Variants in SCN9A observed in about 807,000 individuals in gnomAD.
The protein encoded by SCN9A is sodium voltage-gated channel alpha subunit 9, also known as sodium channel protein type 9 subunit alpha.
A neutral mutation model predicts 187.0 loss-of-function variants in SCN9A; 131 were observed. The ratio of observed to expected loss-of-function variants is 0.70; its 90% CI spans 0.61 to 0.81. The LOEUF is 0.81. SCN9A is among the 30% of genes least tolerant of loss of function. The probability of loss-of-function intolerance (pLI) is 0.00; values close to 1 mark genes in which losing one functional copy is unlikely to be tolerated. For missense variants in SCN9A, 2,252 were observed against 2,396.6 expected, an observed-to-expected ratio of 0.94 and a Z score of 1.26; for synonymous variants, 809 against 808.6, an observed-to-expected ratio of 1.00 and a Z score of -0.01.
chr2:166,284,505 T>C lies in SCN9A; in HGVS notation c.1922A>G (p.Asn641Ser), dbSNP rs375858685. 101 of 1,613,954 alleles carry C rather than the reference T, an allele frequency of 6.3e-5. No homozygotes were observed. The highest frequency in any genetic ancestry group is 8.1e-5 in the Non-Finnish European group (96 of 1,179,986). Residue 641 changes from asparagine (N) to serine (S), a missense_variant, in exon 12 of 27, where the codon AAT (asparagine) becomes AGT (serine). Physicochemically the swap from Asn to Ser is conservative, Grantham distance 46. Transcript: ENST00000642356. ...TATCACCTCTGGCAGAAGCTGTCCATTGGGGAGCATGAGGGCTGAGCGTCC... is the reference window on the plus strand; with the variant it reads ...TATCACCTCTGGCAGAAGCTGTCCACTGGGGAGCATGAGGGCTGAGCGTCC... ...VDGRSALMLPNGQLLPEVIID... is the reference protein window; with the variant it reads ...VDGRSALMLPSGQLLPEVIID...
At chr2:166,345,300 G>A (rs1381301448) in intron 1 of SCN9A, among the ~76,000 whole-genome samples, 3 of 81,726 alleles carry the variant, frequency 3.7e-5, no homozygotes, top group Non-Finnish European at 7.4e-5. Flanking sequence ...ATTGTGGTGT[G>A]CATAACTTAG....
At chr2:166,349,542 T>C (rs889790713) in intron 1 of SCN9A, among the ~76,000 whole-genome samples, 3 of 152,188 alleles carry the variant, frequency 2.0e-5, no homozygotes, top group Non-Finnish European at 2.9e-5. Flanking sequence ...ATTTCAATGG[T>C]CAGAGAAAAT....
chr2:166,341,459 C>T (rs1306560571), intron 1 of SCN9A, among the ~76,000 whole-genome samples: 1 of 152,126 alleles, frequency 6.6e-6, no homozygotes, highest in Non-Finnish European at 1.5e-5. Flanking sequence ...CACTTTATAC[C>T]GTCTAAGAAA....
At chr2:166,244,364 T>C (rs900885036) in intron 18 of SCN9A, among the ~76,000 whole-genome samples, 3 of 152,054 alleles carry the variant, frequency 2.0e-5, no homozygotes, top group African/African-American at 7.2e-5. Flanking sequence ...AATGGTGTGC[T>C]GAAAGCAGAC....
intron 1 of SCN9A, 32 bp from the exon 2 acceptor site, chr2:166,311,838 T>C: frequency 1.0e-5 from 14 of 1,366,130 alleles, no homozygotes; most frequent in Non-Finnish European, 8.8e-6. Flanking sequence ...AAGACTTAAC[T>C]ATTTGCCTGC....
rs573550349 is a variant in SCN9A at position 166,195,931 on chromosome 2, T to C, written c.*2741A>G. The C allele has an allele frequency of 2.6e-5, 4 of 152,238 alleles. No homozygotes were observed. Among genetic ancestry groups the C allele is most frequent in the Non-Finnish European group, 5.9e-5 (4 of 68,094 alleles). The allele number at this position is 152,238 out of a possible 1,614,324, so 9.4% of individuals were successfully genotyped here. A position where few individuals can be genotyped will look rare whatever the true frequency, so the allele number is the denominator to read the frequency against. ...GGCATGGTGGCATGTACCTGTAGTCTTAGCTACTTGGGAGGCTGAGGCAGG... is the reference window on the plus strand; with the variant it reads ...GGCATGGTGGCATGTACCTGTAGTCCTAGCTACTTGGGAGGCTGAGGCAGG... On this transcript the variant is annotated 3_prime_UTR_variant, in exon 27 of 27. Coordinates refer to ENST00000642356, the MANE Select transcript of SCN9A (RefSeq NM_001365536.1).
rs760333909 is a variant in SCN9A at position 166,311,559 on chromosome 2, A to G, written c.198T>C (p.Ile66=). The G allele has an allele frequency of 1.9e-6, 3 of 1,612,786 alleles. No homozygotes were observed. The highest frequency in any genetic ancestry group is 1.7e-6 in the Non-Finnish European group (2 of 1,179,502). The part of the protein sequence containing the change: ...GKQLPFIYGD[I]PPGMVSEPLE... The stretch of plus-strand genomic sequence containing the variant: ...GGGGCTCTGACACCATGCCGGGAGG[A>G]ATGTCCCCATAGATGAAGGGCAGCT... Residue 66 remains isoleucine (I), a synonymous_variant, in exon 2 of 27, where the codon ATT becomes ATC. Transcript: ENST00000642356.
Position 166,271,537 on chromosome 2 carries a change from G to A in SCN9A, c.3351+862C>T, listed in dbSNP as rs80132827. ...AAGCTGGTTAGGGCCATAGTGTGAA[G>A]GCTTTGTGCACAGTACATAATTCGA... On this transcript the variant is annotated intron_variant, in intron 17 of 26. Transcript: ENST00000642356. Among the ~76,000 whole-genome samples, 964 of 152,126 alleles carry A rather than the reference G, an allele frequency of 6.3e-3. 11 individuals are homozygous for A. Among genetic ancestry groups the A allele is most frequent in the African/African-American group, 0.022 (931 of 41,512 alleles).
chr2:166,240,902 A>G lies in SCN9A; in HGVS notation c.3627+1600T>C, dbSNP rs8191990. Among the ~76,000 whole-genome samples the G allele has an allele frequency of 1.5e-3, 228 of 152,254 alleles. 9 individuals are homozygous for G. The East Asian group carries it at 0.034, about 22-fold the overall frequency. On this transcript the variant is annotated intron_variant, in intron 19 of 26. Coordinates refer to ENST00000642356, the MANE Select transcript of SCN9A (RefSeq NM_001365536.1). ...CTTGGTATAAAAGGATGCATTCCCT[A>G]AGCTCAGTGTTCCTCAGCTGTGACA...
chr2:166,233,777 T>A (rs564686810), intron 20 of SCN9A, among the ~76,000 whole-genome samples: 431 of 152,290 alleles, frequency 2.8e-3, no homozygotes, highest in Non-Finnish European at 4.8e-3. Flanking sequence ...AATCTAAAAA[T>A]TTAATTAGAA....
At chr2:166,222,960 A>AAC (rs1694679314) in intron 24 of SCN9A, among the ~76,000 whole-genome samples, 1 of 146,692 alleles carries the variant, frequency 6.8e-6, no homozygotes. Flanking sequence ...AAAAAAAAAA[A>AAC]AAAAAAAAAA....
intron 18 of SCN9A, among the ~76,000 whole-genome samples, chr2:166,244,390 T>G (rs1695698843): frequency 6.6e-6 from 1 of 152,070 alleles, no homozygotes; most frequent in South Asian, 2.1e-4. Flanking sequence ...CAATTCTTGT[T>G]GTTAAACTGT....
At chr2:166,315,092 T>A (rs1036475076) in intron 1 of SCN9A, among the ~76,000 whole-genome samples, 1 of 152,150 alleles carries the variant, frequency 6.6e-6, no homozygotes, top group South Asian at 2.1e-4. Flanking sequence ...ATGAATCAAA[T>A]CAAAGCAGTT....
intron 1 of SCN9A, among the ~76,000 whole-genome samples, chr2:166,340,567 T>C (rs1275190353): frequency 1.2e-5 from 1 of 80,668 alleles, no homozygotes; most frequent in East Asian, 2.6e-4. Context: ...TCTTTCTTTC[T>C]TTCTTTCTTT....
chr2:166,356,051 G>A (rs1468285376), intron 1 of SCN9A, among the ~76,000 whole-genome samples: 2 of 152,122 alleles, frequency 1.3e-5, no homozygotes, highest in African/African-American at 2.4e-5. Flanking sequence ...GATTACAGGC[G>A]TGAGCCACTG....
chr2:166,274,383 C>T (rs60899792), intron 16 of SCN9A, among the ~76,000 whole-genome samples: 20,787 of 151,998 alleles, frequency 0.14, 1,653 homozygotes, highest in East Asian at 0.36. Flanking sequence ...TAATGGTCTT[C>T]GCAAGTTTCC....
chr2:166,262,313 G>A (rs1305172088), intron 17 of SCN9A, among the ~76,000 whole-genome samples: 1 of 151,950 alleles, frequency 6.6e-6, no homozygotes, highest in African/African-American at 2.4e-5. Flanking sequence ...AAATGGAAAG[G>A]AAAGGGTTAT....
chr2:166,295,842 T>C (rs1021052608), intron 7 of SCN9A, among the ~76,000 whole-genome samples: 1 of 152,236 alleles, frequency 6.6e-6, no homozygotes, highest in African/African-American at 2.4e-5. Flanking sequence ...GTATTCTTTG[T>C]GCTAATTTTT....
At chr2:166,331,413 T>C (rs1216204680) in intron 1 of SCN9A, among the ~76,000 whole-genome samples, 1 of 152,206 alleles carries the variant, frequency 6.6e-6, no homozygotes, top group Non-Finnish European at 1.5e-5. Context: ...TTCTTTCACA[T>C]ATGAGTTGTA....
Sources: allele counts gnomAD v4.1 joint callset (sites outside exome capture counted in the v4.1 genomes callset), GRCh38; gene constraint gnomAD v4.1.1; transcripts MANE v1.5; gene names NCBI Gene and HGNC (gene_info 2026-07-23, HGNC 2026-07-21).